TBX10: variants seen among roughly 807,000 people sequenced by gnomAD.
The protein encoded by TBX10 is T-box transcription factor TBX10.
In TBX10, 26 loss-of-function variants were observed where a neutral mutation model predicts 32.4. The observed-to-expected ratio is 0.80, with a 90% CI of 0.59 to 1.11. The LOEUF (loss-of-function observed/expected upper bound fraction) is 1.11, where lower values mean the gene tolerates loss of function less well. Ranked by LOEUF, TBX10 falls within the 50% of genes most tolerant of loss-of-function variation. The pLI is 0.00. For missense variants in TBX10, 490 were observed against 494.5 expected, an observed-to-expected ratio of 0.99 and a Z score of 0.09; for synonymous variants, 195 against 203.1, an observed-to-expected ratio of 0.96 and a Z score of 0.34.
In TBX10 at chr11:67,635,128, G is replaced by A. The variant is rs535361513; in HGVS notation, c.143C>T (p.Ala48Val). Residue 48 changes from alanine (A) to valine (V), a missense_variant, in exon 2 of 8, where the codon GCT (alanine) becomes GTT (valine). Physicochemically the swap from Ala to Val is moderately conservative, Grantham distance 64. Coordinates refer to ENST00000335385, the MANE Select transcript of TBX10 (RefSeq NM_005995.5). ...GCCCTGCCCAGTGGGCTCGGCCACA[G>A]CTTGGGCCCCAGTAGAGCTGGTGCA... Reference protein sequence around the residue: ...GPCTSSTGAQAVAEPTGQGPK... With the variant: ...GPCTSSTGAQVVAEPTGQGPK... The A allele has an allele frequency of 5.6e-6, 9 of 1,613,822 alleles. No individual in the cohort carries two copies. The Admixed American group carries it at 1.5e-4, about 27-fold the overall frequency.
chr11:67,632,492 G>A, intron 6 of TBX10, 80 bp from the exon 7 acceptor site: 2 of 1,587,804 alleles, frequency 1.3e-6, no homozygotes, highest in Middle Eastern at 1.7e-4. Flanking sequence ...TTCAGATGGT[G>A]GGGCCCCAGG....
At chr11:67,640,689 G>A (rs1032252673), upstream of TBX10, among the ~76,000 whole-genome samples, 6 of 152,290 alleles carry the variant, frequency 3.9e-5, no homozygotes, top group South Asian at 2.1e-4. Flanking sequence ...AGAGTGGGTC[G>A]TCTGGCTGGA....
Position 67,631,507 on chromosome 11 carries a change from T to G in TBX10, c.*98A>C. ...AGACTTTCACCTACCCTGCTCTCCT[T>G]GAGACAGAGATGGGGCTGGAGGGGG... On this transcript the variant is annotated 3_prime_UTR_variant, in exon 8 of 8. Coordinates refer to ENST00000335385, the MANE Select transcript of TBX10 (RefSeq NM_005995.5). 7.5e-6 allele frequency: 11 copies of G among 1,465,838 alleles called. No homozygotes were observed. The highest frequency in any genetic ancestry group is 7.4e-6 in the Non-Finnish European group (8 of 1,085,364). 90.8% of individuals were successfully genotyped at this position (1,465,838 alleles called of 1,614,324 possible).
chr11:67,634,483 T>G, intron 3 of TBX10, 123 bp from the exon 4 acceptor site: 1 of 1,189,954 alleles, frequency 8.4e-7, no homozygotes, highest in Non-Finnish European at 1.2e-6. Flanking sequence ...GGCACCTTGC[T>G]AAGGAACCCA....
chr11:67,632,309 G>A lies in TBX10; in HGVS notation c.868+9C>T, dbSNP rs1480211774. On this transcript the variant is annotated intron_variant, in intron 7 of 7. Transcript: ENST00000335385. Reference sequence around the variant, plus strand: ...TAGTCCCACTATGTCTGCAGGCCTGGGGCCTTACCTTTCTCCCTGTCTGTG... The same window carrying A: ...TAGTCCCACTATGTCTGCAGGCCTGAGGCCTTACCTTTCTCCCTGTCTGTG... The A allele has an allele frequency of 6.2e-7, 1 of 1,613,074 alleles. No homozygotes were observed. The highest frequency in any genetic ancestry group is 2.2e-5 in the East Asian group (1 of 44,898).
chr11:67,634,150 C>G (rs1391845515), intron 4 of TBX10, 39 bp downstream of exon 4: 2 of 1,608,290 alleles, frequency 1.2e-6, no homozygotes, highest in South Asian at 1.1e-5. Flanking sequence ...CCAGCCCTGA[C>G]CCCAGGCCCT....
In TBX10 at chr11:67,636,528, T is replaced by C. The variant is rs57145498; in HGVS notation, c.8-1265A>G. Among the ~76,000 whole-genome samples, 73 of 57,238 alleles carry C rather than the reference T, an allele frequency of 1.3e-3. 1 individual carries two copies. Among genetic ancestry groups the C allele is most frequent in the Non-Finnish European group, 2.5e-3 (39 of 15,670 alleles). The allele number at this position is 57,238 out of a possible 152,430, so 37.6% of individuals were successfully genotyped here. On this transcript the variant is annotated intron_variant, in intron 1 of 7. Transcript: ENST00000335385. ...TTATTTATTTATTTATTTATTTTTT[T>C]CCAGAGTCTTGCTCTGTCACCCAGG...
At position 67,635,113 on chromosome 11, in the gene TBX10, G is replaced by A. The variant is rs1406563400; in HGVS notation, c.158C>T (p.Thr53Ile). 1 of 1,613,856 alleles carries A rather than the reference G, an allele frequency of 6.2e-7. No individual in the cohort carries two copies. Among genetic ancestry groups the A allele is most frequent in the South Asian group, 1.1e-5 (1 of 91,090 alleles). Residue 53 changes from threonine (T) to isoleucine (I), a missense_variant, in exon 2 of 8, where the codon ACT becomes ATT. Coordinates refer to ENST00000335385, the MANE Select transcript of TBX10 (RefSeq NM_005995.5). ...ACGTGGGTTCTTGGGGCCCTGCCCA[G>A]TGGGCTCGGCCACAGCTTGGGCCCC... ...STGAQAVAEPTGQGPKNPRVS... is the reference protein window; with the variant it reads ...STGAQAVAEPIGQGPKNPRVS...
chr11:67,631,416 G>T lies in TBX10; in HGVS notation c.*189C>A. On this transcript the variant is annotated 3_prime_UTR_variant, in exon 8 of 8. Transcript: ENST00000335385. ...AGGCTGCTGGGGTTGGGAGATAGAA[G>T]TCCTGGTTCCAAGCTTGCCATGGTC... 1 of 710,594 alleles carries T rather than the reference G, an allele frequency of 1.4e-6. No homozygotes were observed. Among genetic ancestry groups the T allele is most frequent in the Non-Finnish European group, 2.3e-6 (1 of 436,200 alleles). The allele number at this position is 710,594 out of a possible 1,614,324, so 44.0% of individuals were successfully genotyped here. A position where few individuals can be genotyped will look rare whatever the true frequency, so the allele number is the denominator to read the frequency against.
Position 67,638,844 on chromosome 11 carries a change from C to G in TBX10, c.7+622G>C, listed in dbSNP as rs545978434. Reference sequence around the variant, plus strand: ...ATCAGAAGGGTAGCTGGTTGTCGCCCGGCTGCCCTGCTGGGGCGGGTACGT... The same window carrying G: ...ATCAGAAGGGTAGCTGGTTGTCGCCGGGCTGCCCTGCTGGGGCGGGTACGT... On this transcript the variant is annotated intron_variant, in intron 1 of 7. Transcript: ENST00000335385. Among the ~76,000 whole-genome samples the G allele has an allele frequency of 4.6e-5, 7 of 152,260 alleles. 1 individual carries two copies. The South Asian group carries it at 1.5e-3, about 32-fold the overall frequency.
At chr11:67,634,158 C>T (rs756202843) in intron 4 of TBX10, 31 bp downstream of exon 4, 2 of 1,609,690 alleles carry the variant, frequency 1.2e-6, no homozygotes, top group Non-Finnish European at 8.5e-7. Context: ...GACCCCAGGC[C>T]CTTCCGTCCC....
intron 1 of TBX10, among the ~76,000 whole-genome samples, chr11:67,637,408 A>G (rs1855345706): frequency 6.6e-6 from 1 of 152,196 alleles, no homozygotes. Context: ...CTTTGCCATG[A>G]GAGTACACCG....
rs751008860 is a variant in TBX10, at chr11:67,634,794, T to C, written c.377+22A>G. The C allele has an allele frequency of 9.9e-6, 16 of 1,610,296 alleles. 1 individual carries two copies. In the South Asian group the frequency reaches 1.8e-4, roughly 18 times the overall value. On this transcript the variant is annotated intron_variant, in intron 3 of 7. Coordinates refer to ENST00000335385, the MANE Select transcript of TBX10 (RefSeq NM_005995.5). ...TCTCAGCACCTGAGACCTGAGCCTT[T>C]GCCCCAGGCCGGTCCCCGCACCTGT... is the stretch of plus-strand genomic sequence containing the variant.
rs1459654031 is a variant in TBX10, at chr11:67,631,603, C to A, written c.*2G>T. On this transcript the variant is annotated 3_prime_UTR_variant, in exon 8 of 8. Coordinates refer to ENST00000335385, the MANE Select transcript of TBX10 (RefSeq NM_005995.5). ...CAGGGCTTCCCCCCAGGGCTTCTGG[C>A]ATCACTGGGAGTCCTGGCCAGGCCC... The A allele has an allele frequency of 6.3e-7, 1 of 1,593,080 alleles. No individual in the cohort carries two copies. The highest frequency in any genetic ancestry group is 1.7e-5 in the Admixed American group (1 of 58,052).
At chr11:67,641,179 C>G (rs1855399438), upstream of TBX10, among the ~76,000 whole-genome samples, 1 of 151,626 alleles carries the variant, frequency 6.6e-6, no homozygotes, top group Non-Finnish European at 1.5e-5. Context: ...GGTGGCTCCC[C>G]TTCACCGAGA....
At chr11:67,638,873 C>T (rs1440289014) in intron 1 of TBX10, among the ~76,000 whole-genome samples, 1 of 152,142 alleles carries the variant, frequency 6.6e-6, no homozygotes, top group Non-Finnish European at 1.5e-5. Flanking sequence ...GGTACGTCAT[C>T]CAGGTGATGC....
In TBX10 at chr11:67,635,200, C is replaced by T. The variant is rs1170391995; in HGVS notation, c.71G>A (p.Ser24Asn). The T allele has an allele frequency of 2.5e-6, 4 of 1,613,756 alleles. No homozygotes were observed. The highest frequency in any genetic ancestry group is 1.7e-5 in the Admixed American group (1 of 60,010). ...CCCCAGCCGGGGCTCCCAGCCAGAG[C>T]TGGTTGTAGGTAGGGGGTAGGTCTC... ...PSETYPLPTT[S>N]SGWEPRLGSP... The change falls in exon 2 of 8, where the codon AGC (serine) becomes AAC (asparagine). Residue 24 changes from serine to asparagine, a missense_variant. Ser to Asn is a conservative substitution (Grantham distance 46). Coordinates refer to ENST00000335385, the MANE Select transcript of TBX10 (RefSeq NM_005995.5).
intron 3 of TBX10, 67 bp from the exon 4 acceptor site, chr11:67,634,427 G>T: frequency 6.4e-7 from 1 of 1,571,620 alleles, no homozygotes; most frequent in South Asian, 1.1e-5. Flanking sequence ...TACAGGCGGG[G>T]TGAAGGGGCT....
upstream of TBX10, among the ~76,000 whole-genome samples, chr11:67,640,490 G>A (rs1452649402): frequency 1.3e-5 from 2 of 152,224 alleles, no homozygotes; most frequent in Non-Finnish European, 2.9e-5. Flanking sequence ...CGTCCGCTCT[G>A]CCTGTGGGTC....
Sources: gnomAD v4.1 joint callset for allele counts (sites outside exome capture counted in the v4.1 genomes callset) on GRCh38, gnomAD v4.1.1 for gene constraint, MANE v1.5 for transcripts, NCBI Gene and HGNC (gene_info 2026-07-23, HGNC 2026-07-21) for gene names.